The following ARL6IP5 variants were observed in gnomAD, a reference collection of about 807,000 sequenced individuals.
The protein encoded by ARL6IP5 is ARF like GTPase 6 interacting protein 5, also known as PRA1 family protein 3.
Under a neutral mutation model 13.0 loss-of-function variants are expected in ARL6IP5, and 6 were observed. The observed-to-expected ratio is 0.46, with a 90% CI of 0.25 to 0.91. The LOEUF (loss-of-function observed/expected upper bound fraction) is 0.91, where lower values mean the gene tolerates loss of function less well. Ranked by LOEUF, ARL6IP5 falls within the 40% of genes least tolerant of loss-of-function variation. The pLI is 0.17. For synonymous variants in ARL6IP5, 91 were observed against 91.9 expected (o/e 0.99, Z 0.06); for missense variants, 208 against 248.8 (o/e 0.84, Z 1.10).
chr3:69,099,795 C>T (rs1305741851), intron 1 of ARL6IP5, among the ~76,000 whole-genome samples: 1 of 152,170 alleles, frequency 6.6e-6, no homozygotes, highest in Non-Finnish European at 1.5e-5. Flanking sequence ...GTAAAGTCCT[C>T]ATTAGCCTCT....
intron 2 of ARL6IP5, among the ~76,000 whole-genome samples, chr3:69,102,738 A>G (rs773575698): frequency 3.9e-5 from 6 of 152,196 alleles, no homozygotes; most frequent in Non-Finnish European, 8.8e-5. Context: ...TGTATTTATT[A>G]TTTGGAAGTA....
chr3:69,093,772 A>G (rs113671050), intron 1 of ARL6IP5, among the ~76,000 whole-genome samples: 12 of 147,262 alleles, frequency 8.1e-5, no homozygotes, highest in South Asian at 2.1e-4. Flanking sequence ...AAAAAAAAAA[A>G]AAAAGAAAAG....
In ARL6IP5 at chr3:69,089,735, A is replaced by G. The variant is rs17005346; in HGVS notation, c.176+4512A>G. ...ACCACACACAGAATTTGCAACATATAAAAATGCCTCTGCTGCTTCTCCAGC... is the reference window on the plus strand; with the variant it reads ...ACCACACACAGAATTTGCAACATATGAAAATGCCTCTGCTGCTTCTCCAGC... On this transcript the variant is annotated intron_variant, in intron 1 of 2. Coordinates refer to ENST00000273258, the MANE Select transcript of ARL6IP5 (RefSeq NM_006407.4). The G allele has an allele frequency of 3.1e-3, 1,411 of 453,894 alleles. 12 individuals are homozygous for G. Among genetic ancestry groups the G allele is most frequent in the African/African-American group, 0.025 (1,272 of 50,022 alleles). 28.1% of individuals were successfully genotyped at this position (453,894 alleles called of 1,614,324 possible). A position where few individuals can be genotyped will look rare whatever the true frequency, so the allele number is the denominator to read the frequency against.
chr3:69,089,876 T>C (rs2092259635), intron 1 of ARL6IP5: 1 of 456,628 alleles, frequency 2.2e-6, no homozygotes, highest in Admixed American at 2.3e-5. Context: ...CTCCTCACCA[T>C]GTGGCCTGAT....
intron 1 of ARL6IP5, among the ~76,000 whole-genome samples, chr3:69,097,866 T>G (rs2092291736): frequency 6.6e-6 from 1 of 152,106 alleles, no homozygotes; most frequent in Non-Finnish European, 1.5e-5. Flanking sequence ...GGATTTGGAT[T>G]GGAGAAGGAA....
chr3:69,089,964 A>G (rs1412364579), intron 1 of ARL6IP5: 4 of 420,316 alleles, frequency 9.5e-6, no homozygotes, highest in Non-Finnish European at 1.9e-5. Context: ...CAAGATGGTA[A>G]GGAGTTTCTA....
rs777915242 is a variant in ARL6IP5, at chr3:69,105,245, T to G, written c.*609T>G. 9 of 204,080 alleles carry G rather than the reference T, an allele frequency of 4.4e-5. No homozygotes were observed. The highest frequency in any genetic ancestry group is 7.9e-5 in the Non-Finnish European group (8 of 100,948). The allele number at this position is 204,080 out of a possible 1,614,324, so 12.6% of individuals were successfully genotyped here. ...GATATTTTGTTACATTTTTGTAAAT[T>G]TTTGAAATGCTAGTAATGTGTTTTC... is the stretch of plus-strand genomic sequence containing the variant. On this transcript the variant is annotated 3_prime_UTR_variant, in exon 3 of 3. Transcript: ENST00000273258.
intron 1 of ARL6IP5, among the ~76,000 whole-genome samples, chr3:69,093,184 A>C (rs1447727894): frequency 6.6e-6 from 1 of 152,218 alleles, no homozygotes; most frequent in African/African-American, 2.4e-5. Flanking sequence ...GGCATGTCTT[A>C]GTATGAACAC....
intron 1 of ARL6IP5, among the ~76,000 whole-genome samples, chr3:69,093,383 C>T (rs1356845528): frequency 6.6e-6 from 1 of 152,188 alleles, no homozygotes; most frequent in Non-Finnish European, 1.5e-5. Flanking sequence ...AGACAGGCTC[C>T]TGTTCAGTTT....
chr3:69,099,592 T>G (rs955455201), intron 1 of ARL6IP5, among the ~76,000 whole-genome samples: 1 of 152,216 alleles, frequency 6.6e-6, no homozygotes, highest in East Asian at 1.9e-4. Context: ...AAAGGGATTT[T>G]TGAAAAAGAA....
At chr3:69,094,483 TC>T (rs1261330938) in intron 1 of ARL6IP5, among the ~76,000 whole-genome samples, 2 of 152,154 alleles carry the variant, frequency 1.3e-5, no homozygotes, top group Non-Finnish European at 2.9e-5. Flanking sequence ...TTTGCAGTGA[TC>T]CCTCTGGCTG....
At chr3:69,095,648 C>T (rs930246049) in intron 1 of ARL6IP5, among the ~76,000 whole-genome samples, 1 of 152,114 alleles carries the variant, frequency 6.6e-6, no homozygotes, top group South Asian at 2.1e-4. Flanking sequence ...GCATGCGCCA[C>T]CACGCCCAGC....
chr3:69,098,649 C>G (rs574795531), intron 1 of ARL6IP5, among the ~76,000 whole-genome samples: 1 of 152,280 alleles, frequency 6.6e-6, no homozygotes, highest in South Asian at 2.1e-4. Flanking sequence ...CCTTGGCCCC[C>G]ACAAAGTGCT....
rs549402201 is a variant in ARL6IP5 at position 69,101,316 on chromosome 3, C to CTTTTTTTTTTTTTTT, written c.177-516_177-502dup. ...TGCCTGGGTGTGATCTCAGCTCCACCTTTTTTTTTTTTTTTTTTTTTAATG... is the reference window on the plus strand; with the variant it reads ...TGCCTGGGTGTGATCTCAGCTCCACCTTTTTTTTTTTTTTTTTTTTTTTTTTTTTTTTTTTTAATG... On this transcript the variant is annotated intron_variant, in intron 1 of 2. Transcript: ENST00000273258. 6.2e-3 allele frequency among the ~76,000 whole-genome samples: 737 copies of CTTTTTTTTTTTTTTT among 119,406 alleles called. 72 individuals carry two copies. Among genetic ancestry groups the CTTTTTTTTTTTTTTT allele is most frequent in the African/African-American group, 0.024 (673 of 28,070 alleles). The allele number at this position is 119,406 out of a possible 152,430, so 78.3% of individuals were successfully genotyped here.
intron 1 of ARL6IP5, among the ~76,000 whole-genome samples, chr3:69,088,483 T>C (rs2092254976): frequency 1.3e-5 from 2 of 152,146 alleles, no homozygotes; most frequent in South Asian, 4.1e-4. Context: ...TAGATGAGGA[T>C]AGAGAGGGCC....
intron 1 of ARL6IP5, among the ~76,000 whole-genome samples, chr3:69,101,430 C>A (rs1274542690): frequency 6.6e-6 from 1 of 151,226 alleles, no homozygotes; most frequent in Non-Finnish European, 1.5e-5. Context: ...TCAAGTGATC[C>A]TCCCACCTCA....
At chr3:69,092,640 T>C (rs2092271686) in intron 1 of ARL6IP5, among the ~76,000 whole-genome samples, 1 of 152,052 alleles carries the variant, frequency 6.6e-6, no homozygotes, top group African/African-American at 2.4e-5. Context: ...TGGCTAATTT[T>C]TGTATTTTTA....
intron 1 of ARL6IP5, chr3:69,099,918 A>G (rs1221458919): frequency 6.6e-6 from 1 of 152,654 alleles, no homozygotes; most frequent in Non-Finnish European, 1.5e-5. Flanking sequence ...ACTTTGTCTA[A>G]ATTTCTTCTT....
At chr3:69,089,504 T>C (rs1451454942) in intron 1 of ARL6IP5, among the ~76,000 whole-genome samples, 1 of 152,156 alleles carries the variant, frequency 6.6e-6, no homozygotes, top group African/African-American at 2.4e-5. Context: ...TGCTGTCTTA[T>C]TCTGAAAAGT....
Sources: allele counts gnomAD v4.1 joint callset (sites outside exome capture counted in the v4.1 genomes callset), GRCh38; gene constraint gnomAD v4.1.1; transcripts MANE v1.5; gene names NCBI Gene and HGNC (gene_info 2026-07-23, HGNC 2026-07-21).